CYGB: variants seen among roughly 807,000 people sequenced by gnomAD.
CYGB encodes histoglobin.
Under a neutral mutation model 20.7 loss-of-function variants are expected in CYGB, and 13 were observed. The ratio of observed to expected loss-of-function variants is 0.63; its 90% CI spans 0.41 to 1.00. CYGB has a LOEUF of 1.00. Among genes scored for constraint, CYGB ranks in the 50% least tolerant of loss-of-function variants. The pLI, the probability that CYGB is intolerant of heterozygous loss-of-function variation, is 0.00. For synonymous variants in CYGB, 93 were observed against 107.4 expected, an observed-to-expected ratio of 0.87 and a Z score of 0.83; for missense variants, 218 against 257.2, an observed-to-expected ratio of 0.85 and a Z score of 1.04.
upstream of CYGB, among the ~76,000 whole-genome samples, chr17:76,539,842 T>G (rs1391337320): frequency 6.6e-6 from 1 of 152,174 alleles, no homozygotes; most frequent in Non-Finnish European, 1.5e-5. Context: ...TTGTTTAGAG[T>G]GGCAGCTCCT....
chr17:76,542,598 T>G, upstream of CYGB: 1 of 1,614,000 alleles, frequency 6.2e-7, no homozygotes, highest in South Asian at 1.1e-5. Context: ...CAGGTGGGGC[T>G]CAGGCCCAGA....
At chr17:76,540,574 G>A (rs2074979676), upstream of CYGB, 5 of 1,613,364 alleles carry the variant, frequency 3.1e-6, no homozygotes, top group Middle Eastern at 1.6e-4. The surrounding 1 kb of genome is among the most constrained non-coding windows in gnomAD (Gnocchi z 5.0). Context: ...CCTCAGGCAG[G>A]TAAGGCAGGA....
chr17:76,528,643 G>A lies in CYGB; in HGVS notation c.540-32C>T, dbSNP rs866011378. Reference sequence around the variant, plus strand: ...ACGAGATAGGAAGGGAAGGACAAACGTTACCAGAGGCAGGGAAGGACCCTC... The same window carrying A: ...ACGAGATAGGAAGGGAAGGACAAACATTACCAGAGGCAGGGAAGGACCCTC... On this transcript the variant is annotated intron_variant, in intron 3 of 3. Transcript: ENST00000293230. This position sits in a 1 kb window ranked among gnomAD's most constrained non-coding sequence, Gnocchi z 5.8. The A allele has an allele frequency of 4.7e-6, 6 of 1,267,678 alleles. 1 individual carries two copies. The Middle Eastern group carries it at 8.4e-4, about 177-fold the overall frequency. 78.5% of individuals were successfully genotyped at this position (1,267,678 alleles called of 1,614,324 possible).
intron 1 of CYGB, chr17:76,543,242 C>G: frequency 2.7e-6 from 1 of 368,862 alleles, no homozygotes; most frequent in South Asian, 2.0e-5. Context: ...TCGCTGCTCT[C>G]GGACGGGCTT....
upstream of CYGB, chr17:76,540,653 G>A (rs1221931456): frequency 1.4e-6 from 2 of 1,404,886 alleles, no homozygotes; most frequent in Admixed American, 3.5e-5. This position sits in a 1 kb window ranked among gnomAD's most constrained non-coding sequence, Gnocchi z 5.0. Context: ...GTGCACGTGT[G>A]TGCCTGTGCG....
chr17:76,544,345 GCCT>G (rs1418594026), intron 1 of CYGB: 1 of 454,692 alleles, frequency 2.2e-6, no homozygotes, highest in East Asian at 6.9e-5. Flanking sequence ...CCGCCACTCT[GCCT>G]CTGAAGGGAA....
intron 1 of CYGB, among the ~76,000 whole-genome samples, chr17:76,534,180 CTT>C (rs2074888827): frequency 4.3e-5 from 6 of 140,222 alleles, no homozygotes; most frequent in African/African-American, 1.4e-4. Context: ...CTCTCTCTTT[CTT>C]TCTTTCTTTC....
chr17:76,543,345 T>A (rs773124659), intron 1 of CYGB: 36 of 341,216 alleles, frequency 1.1e-4, no homozygotes, highest in Non-Finnish European at 1.8e-4. Flanking sequence ...AGGCTAATTC[T>A]GGGGCAGCCA....
At chr17:76,547,911 T>A (rs1228069847) in intron 1 of CYGB, among the ~76,000 whole-genome samples, 15 of 114,196 alleles carry the variant, frequency 1.3e-4, no homozygotes, top group Non-Finnish European at 2.0e-4. Flanking sequence ...ACATAACACA[T>A]TCACACACAC....
rs750810274 is a variant in CYGB, at chr17:76,537,508, C to A, written c.35G>T (p.Arg12Leu). ...GGACAGCTCCTCGCTCCGCTCCCTG[C>A]GCTCGATCTCCATCTCGCCTGGCAC... ...EKVPGEMEIERRERSEELSEA... is the reference protein window; with the variant it reads ...EKVPGEMEIELRERSEELSEA... Residue 12 changes from arginine to leucine, a missense_variant, in exon 1 of 4, where the codon CGC becomes CTC. Arg to Leu is a moderately radical substitution (Grantham distance 102). This residue lies in a region of CYGB where 152 missense variants were observed against 149.9 expected (regional missense o/e 1.01). Transcript: ENST00000293230. The A allele has an allele frequency of 3.8e-6, 6 of 1,576,670 alleles. No homozygotes were observed. Among genetic ancestry groups the A allele is most frequent in the East Asian group, 5.0e-5 (2 of 39,878 alleles).
At chr17:76,548,291 GACATAC>G (rs1254327509) in intron 1 of CYGB, among the ~76,000 whole-genome samples, 2 of 152,116 alleles carry the variant, frequency 1.3e-5, no homozygotes, top group Non-Finnish European at 2.9e-5. Flanking sequence ...CACACAGAGA[GACATAC>G]ACATACACAA....
At chr17:76,529,526 A>G (rs2074809390) in intron 3 of CYGB, 1 of 985,426 alleles carries the variant, frequency 1.0e-6, no homozygotes, top group Non-Finnish European at 1.2e-6. Flanking sequence ...GCGCCCAGCC[A>G]GCTCTCTTTC....
chr17:76,542,309 C>G (rs906074983), upstream of CYGB, among the ~76,000 whole-genome samples: 1 of 152,196 alleles, frequency 6.6e-6, no homozygotes, highest in African/African-American at 2.4e-5. Flanking sequence ...ACCCAGTTAA[C>G]TGGAAAAATT....
In CYGB at chr17:76,531,537, C is replaced by T. The variant is rs760511803; in HGVS notation, c.298G>A (p.Asp100Asn). 14 of 1,614,026 alleles carry T rather than the reference C, an allele frequency of 8.7e-6. No homozygotes were observed. The highest frequency in any genetic ancestry group is 3.3e-5 in the Admixed American group (2 of 60,004). Residue 100 changes from aspartate (D) to asparagine (N), a missense_variant, in exon 2 of 4, where the codon GAC (aspartate) becomes AAC (asparagine). Physicochemically the swap from Asp to Asn is conservative, Grantham distance 23. Coordinates refer to ENST00000293230, the MANE Select transcript of CYGB (RefSeq NM_134268.5). The surrounding 1 kb of genome is among the most constrained non-coding windows in gnomAD (Gnocchi z 7.4). ...AGGGCGAGCACAGAGGACACCTTGT[C>T]GGGGTCATGCAGGTTCTCCACGACA... ...NTVVENLHDP[D>N]KVSSVLALVG...
intron 1 of CYGB, chr17:76,544,550 T>C (rs764953862): frequency 2.2e-6 from 1 of 456,536 alleles, no homozygotes; most frequent in South Asian, 1.5e-5. Flanking sequence ...AAAGTCACAC[T>C]AGGGAAGGAG....
intron 1 of CYGB, chr17:76,543,237 G>A (rs2075013527): frequency 1.1e-5 from 4 of 371,318 alleles, no homozygotes; most frequent in South Asian, 8.2e-5. Context: ...CGTGCTCGCT[G>A]CTCTCGGACG....
chr17:76,528,476 C>T lies in CYGB; in HGVS notation c.*102G>A. The T allele has an allele frequency of 9.1e-7, 1 of 1,095,120 alleles. No homozygotes were observed. The highest frequency in any genetic ancestry group is 1.2e-6 in the Non-Finnish European group (1 of 840,786). The allele number at this position is 1,095,120 out of a possible 1,614,324, so 67.8% of individuals were successfully genotyped here. ...TTCGGGGAAGTTGAGTCAGGGATTC[C>T]TCCAGCTTCCTTGGCACCCAGAAAT... On this transcript the variant is annotated 3_prime_UTR_variant, in exon 4 of 4. Coordinates refer to ENST00000293230, the MANE Select transcript of CYGB (RefSeq NM_134268.5). The surrounding 1 kb of genome is among the most constrained non-coding windows in gnomAD (Gnocchi z 5.8).
chr17:76,544,504 G>A (rs550232084), intron 1 of CYGB: 43 of 456,320 alleles, frequency 9.4e-5, no homozygotes, highest in African/African-American at 8.2e-4. Flanking sequence ...AGTTCTGTGG[G>A]AGCCTCTCAA....
At chr17:76,544,649 T>C (rs991304351) in intron 1 of CYGB, 14 of 456,650 alleles carry the variant, frequency 3.1e-5, no homozygotes, top group African/African-American at 1.6e-4. Context: ...GTCTCTCTCT[T>C]TGGAGGCATC....
Sources: allele counts gnomAD v4.1 joint callset (sites outside exome capture counted in the v4.1 genomes callset), GRCh38; gene constraint gnomAD v4.1.1; regional missense constraint gnomAD v4.1.1; non-coding constraint Gnocchi (gnomAD v3.1); transcripts MANE v1.5; gene names NCBI Gene and HGNC (gene_info 2026-07-23, HGNC 2026-07-21).